Variants in CLIC4 observed in about 807,000 individuals in gnomAD.
The protein encoded by CLIC4 is CLIC family member 4.
In CLIC4, 13 loss-of-function variants were observed where a neutral mutation model predicts 24.6. That is an observed-to-expected ratio of 0.53 (90% CI 0.34 to 0.84). CLIC4 has a LOEUF of 0.84. Ranked by LOEUF, CLIC4 falls within the 40% of genes least tolerant of loss-of-function variation. The probability of loss-of-function intolerance (pLI) is 0.01; values close to 1 mark genes in which losing one functional copy is unlikely to be tolerated. For missense variants in CLIC4, 227 were observed against 301.7 expected, an observed-to-expected ratio of 0.75 and a Z score of 1.83; for synonymous variants, 104 against 111.3, an observed-to-expected ratio of 0.93 and a Z score of 0.41.
intron 1 of CLIC4, among the ~76,000 whole-genome samples, chr1:24,772,050 A>G (rs979048105): frequency 6.6e-6 from 1 of 152,252 alleles, no homozygotes; most frequent in Non-Finnish European, 1.5e-5. Context: ...GAAGCAATCT[A>G]TTAGATAACA....
intron 3 of CLIC4, among the ~76,000 whole-genome samples, chr1:24,821,115 G>T (rs1639726453): frequency 6.6e-6 from 1 of 151,992 alleles, no homozygotes; most frequent in Non-Finnish European, 1.5e-5. Flanking sequence ...GGCCTGGGAG[G>T]CAGAGGTTGC....
chr1:24,808,505 C>T (rs990743632), intron 2 of CLIC4, among the ~76,000 whole-genome samples: 3 of 151,284 alleles, frequency 2.0e-5, no homozygotes, highest in Non-Finnish European at 2.9e-5. Flanking sequence ...TGCAACCGCC[C>T]CCGCCCCCGC....
At chr1:24,792,900 T>G (rs1639356347) in intron 1 of CLIC4, among the ~76,000 whole-genome samples, 1 of 152,246 alleles carries the variant, frequency 6.6e-6, no homozygotes, top group Non-Finnish European at 1.5e-5. Flanking sequence ...GCTCAAGGAC[T>G]GGCTCTGCAG....
chr1:24,818,474 A>T (rs1430497828), intron 3 of CLIC4, among the ~76,000 whole-genome samples: 3 of 152,042 alleles, frequency 2.0e-5, no homozygotes, highest in African/African-American at 7.2e-5. Flanking sequence ...TTTAGTGGAG[A>T]TGGGGTTCCA....
chr1:24,837,865 C>G (rs926831871), intron 4 of CLIC4, among the ~76,000 whole-genome samples: 1 of 152,160 alleles, frequency 6.6e-6, no homozygotes, highest in East Asian at 1.9e-4. Context: ...GACTATTCCT[C>G]CTACCTATCC....
intron 1 of CLIC4, among the ~76,000 whole-genome samples, chr1:24,775,852 G>C (rs1639134656): frequency 6.7e-6 from 1 of 149,930 alleles, no homozygotes; most frequent in Admixed American, 6.6e-5. Flanking sequence ...CTTGAGAATG[G>C]GTCAGGTTTT....
chr1:24,775,123 A>C (rs553831883), intron 1 of CLIC4, among the ~76,000 whole-genome samples: 1 of 151,240 alleles, frequency 6.6e-6, no homozygotes, highest in Admixed American at 6.6e-5. Context: ...ATTACTCCAA[A>C]TGATAATTCA....
intron 3 of CLIC4, among the ~76,000 whole-genome samples, chr1:24,818,973 T>A (rs565010658): frequency 6.6e-6 from 1 of 152,100 alleles, no homozygotes; most frequent in East Asian, 1.9e-4. Flanking sequence ...ATTATATGTA[T>A]ATTTGGGGGA....
At chr1:24,831,642 T>G (rs1033857624) in intron 4 of CLIC4, among the ~76,000 whole-genome samples, 9 of 152,090 alleles carry the variant, frequency 5.9e-5, no homozygotes, top group Non-Finnish European at 1.2e-4. Flanking sequence ...ATTTTTTTGG[T>G]TTTTTGTTTG....
chr1:24,780,468 A>G (rs970089320), intron 1 of CLIC4, among the ~76,000 whole-genome samples: 3 of 152,238 alleles, frequency 2.0e-5, no homozygotes, highest in Non-Finnish European at 4.4e-5. Flanking sequence ...GCCCCTGCCA[A>G]CACCACTTTC....
At chr1:24,779,610 T>C (rs1165437051) in intron 1 of CLIC4, among the ~76,000 whole-genome samples, 1 of 152,164 alleles carries the variant, frequency 6.6e-6, no homozygotes, top group Non-Finnish European at 1.5e-5. Flanking sequence ...AGATCTGTGG[T>C]ATCTCTTAAA....
At chr1:24,782,285 A>G (rs537036455) in intron 1 of CLIC4, among the ~76,000 whole-genome samples, 21 of 152,210 alleles carry the variant, frequency 1.4e-4, no homozygotes, top group Non-Finnish European at 2.1e-4. Flanking sequence ...AGAAAATATT[A>G]AACAGGTGCT....
At position 24,747,879 on chromosome 1, in the gene CLIC4, A is replaced by T. The variant is rs185443104; in HGVS notation, c.72+2254A>T. ...GTGAAACCCTGTCTCTACTAAAAAT[A>T]GAAAAATTAGCCAGGCATGGTGGTG... On this transcript the variant is annotated intron_variant, in intron 1 of 5. Transcript: ENST00000374379. 1.1e-3 allele frequency among the ~76,000 whole-genome samples: 174 copies of T among 152,096 alleles called. 1 individual carries two copies. The highest frequency in any genetic ancestry group is 3.4e-3 in the Middle Eastern group (1 of 294).
At chr1:24,819,340 C>G (rs1194523597) in intron 3 of CLIC4, among the ~76,000 whole-genome samples, 1 of 151,988 alleles carries the variant, frequency 6.6e-6, no homozygotes, top group Admixed American at 6.6e-5. Context: ...AATTAGAATG[C>G]CAATAAATCA....
intron 1 of CLIC4, among the ~76,000 whole-genome samples, chr1:24,797,371 C>G (rs1459713592): frequency 6.6e-6 from 1 of 151,666 alleles, no homozygotes; most frequent in African/African-American, 2.4e-5. Flanking sequence ...CCCAGGAGTT[C>G]AAGACCAACC....
At chr1:24,790,156 C>T (rs574681674) in intron 1 of CLIC4, among the ~76,000 whole-genome samples, 1 of 152,380 alleles carries the variant, frequency 6.6e-6, no homozygotes, top group South Asian at 2.1e-4. Context: ...ACTACAACCT[C>T]TGCCTGCCAG....
At chr1:24,792,509 A>T (rs967861473) in intron 1 of CLIC4, among the ~76,000 whole-genome samples, 1 of 152,152 alleles carries the variant, frequency 6.6e-6, no homozygotes, top group Non-Finnish European at 1.5e-5. Context: ...TACTTTAAAA[A>T]TTTTCAAAAA....
chr1:24,760,016 T>C (rs1638901323), intron 1 of CLIC4, among the ~76,000 whole-genome samples: 1 of 152,148 alleles, frequency 6.6e-6, no homozygotes, highest in Non-Finnish European at 1.5e-5. Context: ...ATTAGTTGCA[T>C]GTTATATCTG....
chr1:24,831,435 ATTAAT>A lies in CLIC4; in HGVS notation c.415+4323_415+4327del, dbSNP rs1292198304. 6.6e-5 allele frequency among the ~76,000 whole-genome samples: 10 copies of A among 152,152 alleles called. No homozygotes were observed. In the East Asian group the frequency reaches 1.7e-3, roughly 26 times the overall value. On this transcript the variant is annotated intron_variant, in intron 4 of 5. Transcript: ENST00000374379. ...TTTATATATATAATTCAGGAAAAACATTAATTTAGAGCAGGTCTAAGGTTAAACAT... is the reference window on the plus strand; with the variant it reads ...TTTATATATATAATTCAGGAAAAACATTAGAGCAGGTCTAAGGTTAAACAT...
Sources: allele counts gnomAD v4.1 joint callset (sites outside exome capture counted in the v4.1 genomes callset), GRCh38; gene constraint gnomAD v4.1.1; transcripts MANE v1.5; gene names NCBI Gene and HGNC (gene_info 2026-07-23, HGNC 2026-07-21).